ZNF829: variants seen among roughly 807,000 people sequenced by gnomAD.
ZNF829 encodes the protein zinc finger protein 829.
ZNF829 carries 25 observed loss-of-function variants against 35.2 expected under a neutral mutation model. The observed-to-expected ratio is 0.71, with a 90% CI of 0.52 to 0.99. The LOEUF is 0.99. Ranked by LOEUF, ZNF829 falls within the 50% of genes least tolerant of loss-of-function variation. The probability of loss-of-function intolerance (pLI) is 0.00; values close to 1 mark genes in which losing one functional copy is unlikely to be tolerated. For missense variants in ZNF829, 417 were observed against 515.3 expected (o/e 0.81, Z 1.85); for synonymous variants, 136 against 163.2 (o/e 0.83, Z 1.27).
chr19:36,901,151 C>G (rs56838197), intron 5 of ZNF829, among the ~76,000 whole-genome samples: 7,509 of 152,222 alleles, frequency 0.049, 498 homozygotes, highest in African/African-American at 0.15. Context: ...GATAAATGTG[C>G]TATATCCATA....
At chr19:36,902,841 A>T (rs371600719) in intron 5 of ZNF829, among the ~76,000 whole-genome samples, 164 of 151,958 alleles carry the variant, frequency 1.1e-3, no homozygotes, top group African/African-American at 3.8e-3. Context: ...TTAGAGACCA[A>T]CCTGGGCAAC....
intron 3 of ZNF829, among the ~76,000 whole-genome samples, chr19:36,913,311 C>T (rs761866441): frequency 6.6e-6 from 1 of 152,154 alleles, no homozygotes; most frequent in Non-Finnish European, 1.5e-5. Flanking sequence ...TCCAAATTTA[C>T]ACCTTGAGAA....
chr19:36,907,757 G>A (rs2073230583), intron 5 of ZNF829, 172 bp downstream of exon 5: 2 of 532,908 alleles, frequency 3.8e-6, no homozygotes, highest in South Asian at 4.8e-5. Context: ...TAGCATAATT[G>A]TAGCCAGGGA....
In ZNF829 at chr19:36,889,532, T is replaced by A. The variant is rs1488429319; in HGVS notation, c.*1960A>T. ...TGGTTCAATCTTGGAAGGTTATGTG[T>A]TTCTAGGAATTTATCCACTTCCTCT... On this transcript the variant is annotated 3_prime_UTR_variant, in exon 6 of 6. Transcript: ENST00000391711. 6.6e-6 allele frequency: 1 copy of A among 152,192 alleles called. No homozygotes were observed. Among genetic ancestry groups the A allele is most frequent in the African/African-American group, 2.4e-5 (1 of 41,466 alleles). The allele number at this position is 152,192 out of a possible 1,614,324, so 9.4% of individuals were successfully genotyped here.
At chr19:36,909,944 A>G (rs1398102114) in intron 3 of ZNF829, among the ~76,000 whole-genome samples, 1 of 152,184 alleles carries the variant, frequency 6.6e-6, no homozygotes, top group Non-Finnish European at 1.5e-5. Flanking sequence ...TGTATCAAAA[A>G]ATAGCAATAT....
chr19:36,915,907 A>T, intron 1 of ZNF829, 104 bp downstream of exon 1: 1 of 1,536,086 alleles, frequency 6.5e-7, no homozygotes, highest in East Asian at 2.4e-5. Context: ...CCAAGGCGCC[A>T]GCTCCCCATC....
chr19:36,891,928 C>G lies in ZNF829; in HGVS notation c.863G>C (p.Arg288Thr), dbSNP rs2146223597. ...ATAAGGTTTCTCACCAGTATGAATT[C>G]TCAGATGTAGAAAAAGTTGTGAACT... is the stretch of plus-strand genomic sequence containing the variant. ...TKSSQLFLHL[R>T]IHTGEKPYEC... The change falls in exon 6 of 6, where the codon AGA becomes ACA. Residue 288 changes from arginine (R) to threonine (T), a missense_variant. Arg to Thr is a moderately conservative substitution (Grantham distance 71). Transcript: ENST00000391711. 1 of 1,614,060 alleles carries G rather than the reference C, an allele frequency of 6.2e-7. No individual in the cohort carries two copies. The highest frequency in any genetic ancestry group is 8.5e-7 in the Non-Finnish European group (1 of 1,180,006).
chr19:36,893,556 G>C (rs2073082804), intron 5 of ZNF829, among the ~76,000 whole-genome samples: 1 of 152,008 alleles, frequency 6.6e-6, no homozygotes, highest in African/African-American at 2.4e-5. Context: ...AAAAAGATGA[G>C]GAATAACGTA....
chr19:36,910,238 C>A (rs1299515240), intron 3 of ZNF829, among the ~76,000 whole-genome samples: 1 of 152,086 alleles, frequency 6.6e-6, no homozygotes, highest in Non-Finnish European at 1.5e-5. Context: ...GCGCCGGTCA[C>A]CACACCCAGC....
Position 36,914,954 on chromosome 19 carries a change from C to T in ZNF829, c.96+11G>A. ...GAATTTTCAGAAGAAAAAGAGGAAACCCCAACACACCTTGGATACTGCTTG... is the reference window on the plus strand; with the variant it reads ...GAATTTTCAGAAGAAAAAGAGGAAATCCCAACACACCTTGGATACTGCTTG... On this transcript the variant is annotated intron_variant, in intron 3 of 5. Transcript: ENST00000391711. The T allele has an allele frequency of 6.2e-7, 1 of 1,613,944 alleles. No homozygotes were observed. Among genetic ancestry groups the T allele is most frequent in the Non-Finnish European group, 8.5e-7 (1 of 1,179,878 alleles).
intron 5 of ZNF829, among the ~76,000 whole-genome samples, chr19:36,894,995 C>T (rs1186769489): frequency 1.3e-5 from 2 of 152,100 alleles, no homozygotes; most frequent in Non-Finnish European, 2.9e-5. Flanking sequence ...AGGCCCATTA[C>T]AGTCAAACTG....
intron 5 of ZNF829, among the ~76,000 whole-genome samples, chr19:36,900,804 T>G (rs1009390821): frequency 7.1e-6 from 1 of 141,734 alleles, no homozygotes; most frequent in Non-Finnish European, 1.5e-5. Flanking sequence ...GCCAAGATTG[T>G]GCCATTGCAC....
At chr19:36,907,177 T>C (rs1477112803) in intron 5 of ZNF829, 1 of 145,652 alleles carries the variant, frequency 6.9e-6, no homozygotes, top group South Asian at 2.2e-4. Flanking sequence ...AAGAATGAAC[T>C]AACACCAGAT....
Position 36,891,515 on chromosome 19 carries a change from G to C in ZNF829, c.1276C>G (p.His426Asp), listed in dbSNP as rs748307111. The C allele has an allele frequency of 3.8e-6, 6 of 1,569,820 alleles. No individual in the cohort carries two copies. The highest frequency in any genetic ancestry group is 5.2e-6 in the Non-Finnish European group (6 of 1,162,012). ...ATTCAACCAGTATGAATTCCCTCATGGCGAATGAGGTCAGAGCGACTACCA... is the reference window on the plus strand; with the variant it reads ...ATTCAACCAGTATGAATTCCCTCATCGCGAATGAGGTCAGAGCGACTACCA... ...AFGSRSDLIRHEGIHTG is the reference protein window; with the variant it reads ...AFGSRSDLIRDEGIHTG Residue 426 changes from histidine (H) to aspartate (D), a missense_variant, in exon 6 of 6, where the codon CAT (histidine) becomes GAT (aspartate). Transcript: ENST00000391711.
Position 36,892,322 on chromosome 19 carries a change from C to T in ZNF829, c.469G>A (p.Glu157Lys). Reference sequence around the variant, plus strand: ...AAGGTCTTTCCACATATCTTACATTCCCATGGTTTCTCTTCACTCATAGTT... The same window carrying T: ...AAGGTCTTTCCACATATCTTACATTTCCATGGTTTCTCTTCACTCATAGTT... ...QKTMSEEKPWECKICGKTFNQ... is the reference protein window; with the variant it reads ...QKTMSEEKPWKCKICGKTFNQ... The change falls in exon 6 of 6, where the codon GAA (glutamate) becomes AAA (lysine). Residue 157 changes from glutamate to lysine, a missense_variant. Glu to Lys is a moderately conservative substitution (Grantham distance 56). Coordinates refer to ENST00000391711, the MANE Select transcript of ZNF829 (RefSeq NM_001037232.4). 1 of 1,613,810 alleles carries T rather than the reference C, an allele frequency of 6.2e-7. No individual in the cohort carries two copies. The highest frequency in any genetic ancestry group is 8.5e-7 in the Non-Finnish European group (1 of 1,179,966).
intron 5 of ZNF829, among the ~76,000 whole-genome samples, chr19:36,895,161 G>T (rs564001825): frequency 6.6e-6 from 1 of 152,148 alleles, no homozygotes; most frequent in African/African-American, 2.4e-5. Context: ...GGAAAGAATG[G>T]GATGATATAT....
rs1600727135 is a variant in ZNF829 at position 36,891,703 on chromosome 19, T to C, written c.1088A>G (p.Gln363Arg). The change falls in exon 6 of 6, where the codon CAG becomes CGG. Residue 363 changes from glutamine to arginine, a missense_variant. Coordinates refer to ENST00000391711, the MANE Select transcript of ZNF829 (RefSeq NM_001037232.4). ...CTGATGTTGAATAAGTTCTGAGCTC[T>C]GAATAAAGGCCTTTCTACATTCTTC... Reference protein sequence around the residue: ...ECEECRKAFIQSSELIQHQRI... With the variant: ...ECEECRKAFIRSSELIQHQRI... 4 of 1,614,058 alleles carry C rather than the reference T, an allele frequency of 2.5e-6. No homozygotes were observed. The highest frequency in any genetic ancestry group is 3.4e-6 in the Non-Finnish European group (4 of 1,179,982).
intron 5 of ZNF829, among the ~76,000 whole-genome samples, chr19:36,903,777 G>T (rs1204273830): frequency 6.6e-6 from 1 of 151,926 alleles, no homozygotes; most frequent in Non-Finnish European, 1.5e-5. Context: ...TCTAATCCCA[G>T]CTACTCGGGA....
chr19:36,895,761 G>T (rs2073105897), intron 5 of ZNF829, among the ~76,000 whole-genome samples: 4 of 152,090 alleles, frequency 2.6e-5, no homozygotes, highest in Admixed American at 1.3e-4. Context: ...AGCAAAGAAG[G>T]TCATTATATA....
Sources: gnomAD v4.1 joint callset for allele counts (sites outside exome capture counted in the v4.1 genomes callset) on GRCh38, gnomAD v4.1.1 for gene constraint, MANE v1.5 for transcripts, NCBI Gene and HGNC (gene_info 2026-07-23, HGNC 2026-07-21) for gene names.